Variants in LRP1B observed in about 807,000 individuals in gnomAD.
LRP1B encodes the protein LDL receptor related protein 1B.
LRP1B carries 217 observed loss-of-function variants against 556.6 expected under a neutral mutation model. That is an observed-to-expected ratio of 0.39 (90% CI 0.35 to 0.44). LRP1B has a LOEUF of 0.44. LRP1B is among the 20% of genes least tolerant of loss of function. LRP1B has a pLI of 1.00. For missense variants in LRP1B, 5,053 were observed against 5,620.8 expected (o/e 0.90, Z 3.23); for synonymous variants, 2,047 against 1,865.8 (o/e 1.10, Z -2.50).
intron 2 of LRP1B, among the ~76,000 whole-genome samples, chr2:141,586,746 T>A (rs950246228): frequency 1.3e-5 from 2 of 151,790 alleles, no homozygotes; most frequent in Non-Finnish European, 2.9e-5. Flanking sequence ...ATCGAGACCA[T>A]CCTGGCTAAG....
At chr2:140,852,677 A>C (rs1380206947) in intron 27 of LRP1B, among the ~76,000 whole-genome samples, 1 of 152,176 alleles carries the variant, frequency 6.6e-6, no homozygotes, top group Non-Finnish European at 1.5e-5. Flanking sequence ...TCCATGGCTA[A>C]GGATTGCTCC....
intron 79 of LRP1B, among the ~76,000 whole-genome samples, chr2:140,326,147 C>G (rs994880467): frequency 6.6e-6 from 1 of 152,120 alleles, no homozygotes; most frequent in African/African-American, 2.4e-5. Context: ...AATATCCCTT[C>G]TAGCCATATT....
At chr2:140,273,890 T>C (rs1406575319) in intron 85 of LRP1B, among the ~76,000 whole-genome samples, 1 of 151,986 alleles carries the variant, frequency 6.6e-6, no homozygotes, top group Non-Finnish European at 1.5e-5. Context: ...AACTCGAAGA[T>C]TTTTGTTTTA....
At chr2:140,873,648 G>A (rs959096777) in intron 25 of LRP1B, among the ~76,000 whole-genome samples, 3 of 151,776 alleles carry the variant, frequency 2.0e-5, no homozygotes, top group East Asian at 1.9e-4. Context: ...AATAATGCAG[G>A]TAAATGATTA....
chr2:140,672,478 C>T lies in LRP1B; in HGVS notation c.6799+27772G>A, dbSNP rs1196072563. Among the ~76,000 whole-genome samples the T allele has an allele frequency of 3.1e-4, 19 of 61,004 alleles. No homozygotes were observed. In the Admixed American group the frequency reaches 4.2e-3, roughly 13 times the overall value. 40.0% of individuals were successfully genotyped at this position (61,004 alleles called of 152,430 possible). ...CAGCCTGGGTGACAGAATGAGACTCCATCTAAAAAAAAAAAAAAAAAAAAA... is the reference window on the plus strand; with the variant it reads ...CAGCCTGGGTGACAGAATGAGACTCTATCTAAAAAAAAAAAAAAAAAAAAA... On this transcript the variant is annotated intron_variant, in intron 41 of 90. Transcript: ENST00000389484.
At chr2:141,227,196 A>G (rs1683282477) in intron 6 of LRP1B, among the ~76,000 whole-genome samples, 1 of 152,240 alleles carries the variant, frequency 6.6e-6, no homozygotes. Flanking sequence ...TAAAACATAT[A>G]TTAAAGAAGA....
chr2:140,641,344 A>AT (rs1684286101), intron 41 of LRP1B, among the ~76,000 whole-genome samples: 2 of 152,188 alleles, frequency 1.3e-5, no homozygotes, highest in South Asian at 4.1e-4. Context: ...AAATCAACAT[A>AT]TTTTTAGAAT....
At chr2:141,854,347 A>G (rs948929324) in intron 1 of LRP1B, among the ~76,000 whole-genome samples, 3 of 151,996 alleles carry the variant, frequency 2.0e-5, no homozygotes, top group African/African-American at 7.2e-5. Flanking sequence ...CAAGGGGGGA[A>G]AAAGCAATTG....
intron 32 of LRP1B, among the ~76,000 whole-genome samples, chr2:140,799,498 C>T (rs1392118973): frequency 1.3e-5 from 2 of 152,174 alleles, no homozygotes; most frequent in Non-Finnish European, 2.9e-5. Flanking sequence ...TATGGTACTT[C>T]GTTAAGGCAG....
rs192001189 is a variant in LRP1B, at chr2:140,618,036, A to G, written c.6800-16397T>C. 7.6e-4 allele frequency among the ~76,000 whole-genome samples: 116 copies of G among 152,146 alleles called. 1 individual carries two copies. Among genetic ancestry groups the G allele is most frequent in the African/African-American group, 2.7e-3 (111 of 41,570 alleles). ...TGTTTATTTGAATTTTCATTCTGAC[A>G]TCATACACTAATTTTAAACATTTAT... On this transcript the variant is annotated intron_variant, in intron 41 of 90. Coordinates refer to ENST00000389484, the MANE Select transcript of LRP1B (RefSeq NM_018557.3).
At chr2:141,509,490 T>C (rs1684045091) in intron 2 of LRP1B, among the ~76,000 whole-genome samples, 1 of 152,182 alleles carries the variant, frequency 6.6e-6, no homozygotes, top group Non-Finnish European at 1.5e-5. Flanking sequence ...CCCACTGTTA[T>C]TGTAAGTTTA....
At chr2:140,345,771 T>TATATATACATATATATACAC (rs1681629588) in intron 77 of LRP1B, among the ~76,000 whole-genome samples, 1 of 127,392 alleles carries the variant, frequency 7.8e-6, no homozygotes, top group Non-Finnish European at 1.7e-5. Context: ...TATATACACA[T>TATATATACATATATATACAC]ATATATACAT....
chr2:141,400,280 T>A (rs1690401715), intron 3 of LRP1B, among the ~76,000 whole-genome samples: 1 of 152,188 alleles, frequency 6.6e-6, no homozygotes, highest in South Asian at 2.1e-4. Flanking sequence ...TGCCTGGCCT[T>A]CACTAGCTTT....
chr2:142,107,649 A>T (rs1200287487), intron 1 of LRP1B, among the ~76,000 whole-genome samples: 1 of 146,032 alleles, frequency 6.8e-6, no homozygotes, highest in Non-Finnish European at 1.5e-5. Flanking sequence ...TTGTTTTGAG[A>T]CAGAGTCTCG....
intron 10 of LRP1B, among the ~76,000 whole-genome samples, chr2:141,052,199 C>A (rs1699055208): frequency 6.6e-6 from 1 of 151,864 alleles, no homozygotes; most frequent in African/African-American, 2.4e-5. Context: ...GCCCTCATAG[C>A]CTCTCAGTGT....
At chr2:140,319,287 C>T (rs900222681) in intron 82 of LRP1B, among the ~76,000 whole-genome samples, 5 of 152,168 alleles carry the variant, frequency 3.3e-5, no homozygotes, top group African/African-American at 9.6e-5. Flanking sequence ...ACATCAGAGC[C>T]AATGTAAAAG....
intron 81 of LRP1B, among the ~76,000 whole-genome samples, chr2:140,322,828 A>G (rs1316332788): frequency 6.6e-6 from 1 of 151,974 alleles, no homozygotes; most frequent in Non-Finnish European, 1.5e-5. Context: ...TTTTTCTGGA[A>G]GAACCACTAC....
At chr2:142,130,202 T>C (rs1707802915) in intron 1 of LRP1B, among the ~76,000 whole-genome samples, 1 of 152,172 alleles carries the variant, frequency 6.6e-6, no homozygotes, top group Non-Finnish European at 1.5e-5. Flanking sequence ...GGACCTCGAA[T>C]GCAGCAGGTA....
chr2:141,829,970 G>A (rs1251053823), intron 1 of LRP1B, among the ~76,000 whole-genome samples: 2 of 151,752 alleles, frequency 1.3e-5, no homozygotes, highest in Non-Finnish European at 2.9e-5. Context: ...TCAAATGTTG[G>A]GAAGTGTGTG....
Sources: gnomAD v4.1 joint callset for allele counts (sites outside exome capture counted in the v4.1 genomes callset) on GRCh38, gnomAD v4.1.1 for gene constraint, MANE v1.5 for transcripts, NCBI Gene and HGNC (gene_info 2026-07-23, HGNC 2026-07-21) for gene names.